KYAT1: variants seen among roughly 807,000 people sequenced by gnomAD.
KYAT1 encodes the protein kynurenine aminotransferase 1.
In KYAT1, 47 loss-of-function variants were observed where a neutral mutation model predicts 52.4. The ratio of observed to expected loss-of-function variants is 0.90; its 90% confidence interval spans 0.71 to 1.14. KYAT1 has a LOEUF of 1.14. Ranked by LOEUF, KYAT1 falls within the 50% of genes most tolerant of loss-of-function variation. KYAT1 has a pLI of 0.00. For missense variants in KYAT1, 480 were observed against 557.9 expected (o/e 0.86, Z 1.41); for synonymous variants, 212 against 209.6 (o/e 1.01, Z -0.10).
intron 1 of KYAT1, among the ~76,000 whole-genome samples, chr9:128,859,091 G>A (rs117377603): frequency 0.026 from 4,026 of 152,148 alleles, 83 homozygotes; most frequent in Non-Finnish European, 0.039. Context: ...GGCCAGGCAC[G>A]GTGACTCACG....
chr9:128,862,840 A>G (rs1402160122), intron 1 of KYAT1, among the ~76,000 whole-genome samples: 2 of 152,126 alleles, frequency 1.3e-5, no homozygotes, highest in African/African-American at 4.8e-5. Flanking sequence ...TTTTTGACAC[A>G]GAGTCTCGCC....
chr9:128,836,302 G>GTT (rs71497420), intron 7 of KYAT1, among the ~76,000 whole-genome samples: 2 of 93,046 alleles, frequency 2.1e-5, no homozygotes, highest in African/African-American at 5.2e-5. Flanking sequence ...TTCTTTCTTT[G>GTT]TTTTTTTTTT....
At chr9:128,835,062 G>A (rs558084396) in intron 11 of KYAT1, 2 of 461,124 alleles carry the variant, frequency 4.3e-6, no homozygotes, top group Non-Finnish European at 7.9e-6. Context: ...GCGTGAACCT[G>A]GGGGGCAGAG....
At chr9:128,849,953 C>T (rs1299605348) in intron 1 of KYAT1, among the ~76,000 whole-genome samples, 1 of 137,956 alleles carries the variant, frequency 7.2e-6, no homozygotes, top group Non-Finnish European at 1.5e-5. Flanking sequence ...GGTGCCTTCT[C>T]AGCTCACTGC....
Position 128,845,352 on chromosome 9 carries a change from C to T in KYAT1, c.53+1G>A. On this transcript the variant is annotated splice_donor_variant, in intron 2 of 12. Coordinates refer to ENST00000302586, the MANE Select transcript of KYAT1 (RefSeq NM_004059.5). LOFTEE classifies it high-confidence loss of function. ...ACACCTCCCCAGCCCAGCTGGCTCA[C>T]CAGGGGTTGTAGTCGATCCCGTCTA... is the stretch of plus-strand genomic sequence containing the variant. 6.2e-7 allele frequency: 1 copy of T among 1,613,802 alleles called. No individual in the cohort carries two copies. The highest frequency in any genetic ancestry group is 8.5e-7 in the Non-Finnish European group (1 of 1,179,952).
At chr9:128,838,453 C>G (rs1203417646) in intron 3 of KYAT1, 86 bp from the exon 4 acceptor site, 110 of 1,533,104 alleles carry the variant, frequency 7.2e-5, no homozygotes, top group Non-Finnish European at 8.9e-7. Flanking sequence ...TAGCACCTTC[C>G]AGCAGCAGGC....
At chr9:128,857,158 T>TC (rs1407864589) in intron 1 of KYAT1, among the ~76,000 whole-genome samples, 2 of 152,210 alleles carry the variant, frequency 1.3e-5, no homozygotes, top group African/African-American at 4.8e-5. Context: ...GCATAGTACC[T>TC]CCCCTTGAAC....
Position 128,833,493 on chromosome 9 carries a change from T to C in KYAT1, c.*91A>G. 1 of 1,348,854 alleles carries C rather than the reference T, an allele frequency of 7.4e-7. No individual in the cohort carries two copies. Among genetic ancestry groups the C allele is most frequent in the Admixed American group, 1.7e-5 (1 of 58,402 alleles). 83.6% of individuals were successfully genotyped at this position (1,348,854 alleles called of 1,614,324 possible). A position where few individuals can be genotyped will look rare whatever the true frequency, so the allele number is the denominator to read the frequency against. The stretch of plus-strand genomic sequence containing the variant: ...TTTCCCAATAGCATCTTCCCCAACC[T>C]AGAAATGTCTGAAACCTGGACAAAG... On this transcript the variant is annotated 3_prime_UTR_variant, in exon 13 of 13. Transcript: ENST00000302586.
intron 1 of KYAT1, among the ~76,000 whole-genome samples, chr9:128,850,580 T>A (rs1054521010): frequency 2.6e-5 from 4 of 152,200 alleles, no homozygotes; most frequent in Non-Finnish European, 4.4e-5. Flanking sequence ...AGCCGCGTAT[T>A]GTCCGAGGTT....
intron 1 of KYAT1, among the ~76,000 whole-genome samples, chr9:128,871,767 A>G (rs1009043420): frequency 3.9e-5 from 6 of 152,172 alleles, no homozygotes; most frequent in Non-Finnish European, 7.3e-5. Flanking sequence ...ATACATATAT[A>G]TACATATACA....
At chr9:128,837,276 A>G (rs991103007) in intron 6 of KYAT1, among the ~76,000 whole-genome samples, 2 of 152,236 alleles carry the variant, frequency 1.3e-5, no homozygotes, top group African/African-American at 2.4e-5. Flanking sequence ...CCTGGGAGAC[A>G]GAGCGAGACT....
At chr9:128,852,835 C>T (rs1834115924) in intron 1 of KYAT1, among the ~76,000 whole-genome samples, 1 of 152,160 alleles carries the variant, frequency 6.6e-6, no homozygotes, top group South Asian at 2.1e-4. Context: ...AGAGGGGATC[C>T]AGACTTAAAC....
chr9:128,838,073 G>A lies in KYAT1; in HGVS notation c.416C>T (p.Pro139Leu). 2 of 1,614,104 alleles carry A rather than the reference G, an allele frequency of 1.2e-6. No homozygotes were observed. Among genetic ancestry groups the A allele is most frequent in the Middle Eastern group, 1.7e-4 (1 of 6,060 alleles). The change falls in exon 5 of 13, where the codon CCT (proline) becomes CTT (leucine). Residue 139 changes from proline to leucine, a missense_variant. Physicochemically the swap from Pro to Leu is moderately conservative, Grantham distance 98. Transcript: ENST00000302586. ...TACCGGCTTCAGGGACACAAACACA[G>A]GACGACCCCCTGCCATCATTGTCAT... Reference protein sequence around the residue: ...EPMTMMAGGRPVFVSLKPGPI... With the variant: ...EPMTMMAGGRLVFVSLKPGPI...
intron 1 of KYAT1, chr9:128,846,600 CAAAA>C (rs57333664): frequency 0.029 from 12,137 of 413,112 alleles, 2 homozygotes; most frequent in South Asian, 0.048. Context: ...AAGACTCTAC[CAAAA>C]AAAAAAAAAA....
intron 1 of KYAT1, among the ~76,000 whole-genome samples, chr9:128,872,249 C>T (rs1588152878): frequency 6.7e-6 from 1 of 150,216 alleles, no homozygotes; most frequent in African/African-American, 2.5e-5. Flanking sequence ...TTGAGACCAT[C>T]CTGGCTAACA....
Position 128,881,112 on chromosome 9 carries a change from G to T in KYAT1, c.-7+785C>A, listed in dbSNP as rs540586977. Among the ~76,000 whole-genome samples the T allele has an allele frequency of 3.4e-4, 51 of 152,192 alleles. No individual in the cohort carries two copies. In the East Asian group the frequency reaches 9.7e-3, roughly 29 times the overall value. Reference sequence around the variant, plus strand: ...TTTTTCTTTTTTTAGACGGAGTCTCGCTCTGTCGCCCAGGCTGGAGTGCAG... The same window carrying T: ...TTTTTCTTTTTTTAGACGGAGTCTCTCTCTGTCGCCCAGGCTGGAGTGCAG... On this transcript the variant is annotated intron_variant, in intron 1 of 12. Transcript: ENST00000302586.
chr9:128,856,051 G>A (rs1397049700), intron 1 of KYAT1, among the ~76,000 whole-genome samples: 3 of 152,196 alleles, frequency 2.0e-5, no homozygotes, highest in Non-Finnish European at 4.4e-5. Flanking sequence ...CAGTTACAGT[G>A]TGACTGGAAT....
At chr9:128,858,608 G>C (rs1450789958) in intron 1 of KYAT1, among the ~76,000 whole-genome samples, 1 of 151,200 alleles carries the variant, frequency 6.6e-6, no homozygotes, top group African/African-American at 2.4e-5. Flanking sequence ...TGAGACTGGA[G>C]AATCACTTGA....
chr9:128,856,960 C>T (rs1356893495), intron 1 of KYAT1, among the ~76,000 whole-genome samples: 1 of 152,182 alleles, frequency 6.6e-6, no homozygotes, highest in Non-Finnish European at 1.5e-5. Flanking sequence ...CTGTCTCCTG[C>T]CTGCCCCTGG....
Sources: gnomAD v4.1 joint callset for allele counts (sites outside exome capture counted in the v4.1 genomes callset) on GRCh38, gnomAD v4.1.1 for gene constraint, MANE v1.5 for transcripts, NCBI Gene and HGNC (gene_info 2026-07-23, HGNC 2026-07-21) for gene names.